The following SLCO1B3 variants were observed in gnomAD, a reference collection of about 807,000 sequenced individuals.
The protein encoded by SLCO1B3 is liver-specific organic anion transporter 2.
A neutral mutation model predicts 71.8 loss-of-function variants in SLCO1B3; 72 were observed. That is an observed-to-expected ratio of 1.00 (90% CI 0.83 to 1.22). SLCO1B3 has a LOEUF of 1.22. Ranked by LOEUF, SLCO1B3 falls within the 50% of genes most tolerant of loss-of-function variation. The pLI is 0.00. For missense variants in SLCO1B3, 911 were observed against 819.7 expected (o/e 1.11, Z -1.36); for synonymous variants, 298 against 278.4 (o/e 1.07, Z -0.70).
intron 3 of SLCO1B3, among the ~76,000 whole-genome samples, chr12:20,828,163 G>A (rs1436307729): frequency 6.6e-6 from 1 of 152,062 alleles, no homozygotes; most frequent in African/African-American, 2.4e-5. Context: ...GTCTCCAAAA[G>A]GAAAGAGATT....
intron 8 of SLCO1B3, among the ~76,000 whole-genome samples, chr12:20,872,979 T>G (rs1179851959): frequency 3.9e-5 from 6 of 152,162 alleles, no homozygotes; most frequent in Non-Finnish European, 8.8e-5. Flanking sequence ...ATCTAGAGTA[T>G]GCAGGGTCTT....
At chr12:20,811,905 A>ATTTCTT (rs1864115683) in intron 1 of SLCO1B3, among the ~76,000 whole-genome samples, 1 of 114,856 alleles carries the variant, frequency 8.7e-6, no homozygotes, top group East Asian at 2.7e-4. Context: ...TACTTGATAC[A>ATTTCTT]TTTTTTTTTT....
chr12:20,877,281 G>T (rs556816846), intron 9 of SLCO1B3, among the ~76,000 whole-genome samples: 2 of 152,092 alleles, frequency 1.3e-5, no homozygotes, highest in African/African-American at 4.8e-5. Flanking sequence ...GAATAGTAAA[G>T]CGAATTTTAA....
chr12:20,826,834 T>C (rs1864434162), intron 3 of SLCO1B3, among the ~76,000 whole-genome samples: 1 of 152,076 alleles, frequency 6.6e-6, no homozygotes, highest in South Asian at 2.1e-4. Context: ...CTTTAGCCTT[T>C]GTATTAGACA....
At chr12:20,845,339 G>A in intron 3 of SLCO1B3, 1 of 136,668 alleles carries the variant, frequency 7.3e-6, no homozygotes, top group Non-Finnish European at 1.6e-5. Context: ...AGTCCTTAAT[G>A]TCTTGGGCGC....
chr12:20,870,048 G>A (rs756616921), intron 8 of SLCO1B3, among the ~76,000 whole-genome samples: 7 of 152,178 alleles, frequency 4.6e-5, no homozygotes, highest in South Asian at 2.1e-4. Flanking sequence ...ATGGTGATAC[G>A]TAATTGTGCT....
chr12:20,883,407 A>T lies in SLCO1B3; in HGVS notation c.1498-11A>T. The T allele has an allele frequency of 6.8e-7, 1 of 1,472,106 alleles. No homozygotes were observed. Among genetic ancestry groups the T allele is most frequent in the Non-Finnish European group, 9.1e-7 (1 of 1,099,446 alleles). 91.2% of individuals were successfully genotyped at this position (1,472,106 alleles called of 1,614,324 possible). ...AAATGTATTTGTTAATATTTCAAAA[A>T]CTATTTTTAGGTGTTTTATAACTGT... On this transcript the variant is annotated splice_polypyrimidine_tract_variant and intron_variant, in intron 12 of 15. Transcript: ENST00000381545.
At chr12:20,899,933 T>C (rs1866095495) in intron 14 of SLCO1B3, among the ~76,000 whole-genome samples, 1 of 152,184 alleles carries the variant, frequency 6.6e-6, no homozygotes, top group African/African-American at 2.4e-5. Context: ...AACAATTGTC[T>C]TAAATATGAT....
intron 3 of SLCO1B3, among the ~76,000 whole-genome samples, chr12:20,825,319 G>A (rs1864398257): frequency 6.6e-6 from 1 of 152,090 alleles, no homozygotes; most frequent in African/African-American, 2.4e-5. Flanking sequence ...CATGTCTTCT[G>A]TGACAGTCCC....
chr12:20,859,523 C>G (rs1334223289), intron 5 of SLCO1B3, among the ~76,000 whole-genome samples: 3 of 143,104 alleles, frequency 2.1e-5, no homozygotes, highest in Non-Finnish European at 3.1e-5. Flanking sequence ...TAAGAACTTT[C>G]TTCTTAATGG....
Position 20,883,420 on chromosome 12 carries a change from G to A in SLCO1B3, c.1500G>A (p.Val500=). ...AATATTTCAAAAACTATTTTTAGGT[G>A]TTTTATAACTGTAGTTGTGTGGAAG... The part of the protein sequence containing the change: ...KSSSGIKKHT[V]FYNCSCVEVT... Residue 500 remains valine (V), a splice_region_variant and synonymous_variant, in exon 13 of 16, where the codon GTG becomes GTA. Coordinates refer to ENST00000381545, the MANE Select transcript of SLCO1B3 (RefSeq NM_019844.4). The A allele has an allele frequency of 1.3e-6, 2 of 1,523,798 alleles. No individual in the cohort carries two copies. Among genetic ancestry groups the A allele is most frequent in the Non-Finnish European group, 1.8e-6 (2 of 1,137,178 alleles). 94.4% of individuals were successfully genotyped at this position (1,523,798 alleles called of 1,614,324 possible). A position where few individuals can be genotyped will look rare whatever the true frequency, so the allele number is the denominator to read the frequency against.
At chr12:20,849,566 A>G (rs1329011345) in intron 3 of SLCO1B3, among the ~76,000 whole-genome samples, 1 of 152,138 alleles carries the variant, frequency 6.6e-6, no homozygotes, top group African/African-American at 2.4e-5. Flanking sequence ...ATTAGACAAG[A>G]AAAAGAAACA....
chr12:20,813,482 T>C (rs1864140875), intron 1 of SLCO1B3, 42 bp from the exon 2 acceptor site: 1 of 152,198 alleles, frequency 6.6e-6, no homozygotes, highest in East Asian at 1.9e-4. Flanking sequence ...GCTCCCATAC[T>C]ATAAACTTCA....
At position 20,849,847 on chromosome 12, in the gene SLCO1B3, TAAAC is replaced by T. The variant is rs749118571; in HGVS notation, c.85-5177_85-5174del. On this transcript the variant is annotated intron_variant, in intron 3 of 15. Transcript: ENST00000381545. ...TCAAAAATATATATAGGAACAAATT[TAAAC>T]AAAAAGGTTAAAAAAAATCACACAC... Among the ~76,000 whole-genome samples the T allele has an allele frequency of 1.9e-3, 287 of 151,810 alleles. 1 individual carries two copies. The highest frequency in any genetic ancestry group is 3.4e-3 in the Middle Eastern group (1 of 294).
At chr12:20,871,213 T>C (rs1865469179) in intron 8 of SLCO1B3, among the ~76,000 whole-genome samples, 1 of 152,186 alleles carries the variant, frequency 6.6e-6, no homozygotes, top group African/African-American at 2.4e-5. Flanking sequence ...TTTGGAAATA[T>C]TCCCTGCTCC....
intron 3 of SLCO1B3, among the ~76,000 whole-genome samples, chr12:20,836,309 T>G (rs766034229): frequency 1.5e-4 from 23 of 152,216 alleles, no homozygotes; most frequent in Non-Finnish European, 1.8e-4. Context: ...TTGATTTTCA[T>G]ACATTGAACC....
At chr12:20,846,959 G>A (rs1864932368) in intron 3 of SLCO1B3, among the ~76,000 whole-genome samples, 1 of 152,006 alleles carries the variant, frequency 6.6e-6, no homozygotes, top group Non-Finnish European at 1.5e-5. Context: ...TGACAATTAT[G>A]TACATTTGTA....
chr12:20,849,575 C>G lies in SLCO1B3; in HGVS notation c.85-5453C>G, dbSNP rs574302895. Reference sequence around the variant, plus strand: ...AGATCCATTAGACAAGAAAAAGAAACAAAAGGCATTCAAATTAGAAAGAAG... The same window carrying G: ...AGATCCATTAGACAAGAAAAAGAAAGAAAAGGCATTCAAATTAGAAAGAAG... On this transcript the variant is annotated intron_variant, in intron 3 of 15. Transcript: ENST00000381545. 2.0e-5 allele frequency among the ~76,000 whole-genome samples: 3 copies of G among 152,028 alleles called. No homozygotes were observed. In the South Asian group the frequency reaches 6.2e-4, roughly 32 times the overall value.
chr12:20,881,919 A>G (rs1044292088), intron 12 of SLCO1B3, among the ~76,000 whole-genome samples: 7 of 152,174 alleles, frequency 4.6e-5, no homozygotes, highest in East Asian at 1.9e-4. Context: ...CCCTTGCCCA[A>G]TATCCTACCA....
Sources: allele counts gnomAD v4.1 joint callset (sites outside exome capture counted in the v4.1 genomes callset), GRCh38; gene constraint gnomAD v4.1.1; transcripts MANE v1.5; gene names NCBI Gene and HGNC (gene_info 2026-07-23, HGNC 2026-07-21).